The following MSRA variants were observed in gnomAD, a reference collection of about 807,000 sequenced individuals.
MSRA encodes the protein methionine sulfoxide reductase A.
MSRA carries 54 observed loss-of-function variants against 31.3 expected under a neutral mutation model. The ratio of observed to expected loss-of-function variants is 1.73; its 90% CI spans 1.39 to 2.17. The LOEUF is 2.17. Ranked by LOEUF, MSRA falls within the 30% of genes most tolerant of loss-of-function variation. The pLI is 0.00. For missense variants in MSRA, 507 were observed against 300.9 expected (o/e 1.69, Z -5.07); for synonymous variants, 169 against 116.5 (o/e 1.45, Z -2.90).
chr8:10,107,274 T>A (rs1185463292), intron 1 of MSRA, among the ~76,000 whole-genome samples: 3 of 152,132 alleles, frequency 2.0e-5, no homozygotes, highest in African/African-American at 7.2e-5. Context: ...GTGTTTTTTT[T>A]TTTAATTTAA....
chr8:10,074,438 A>G (rs773071678), intron 1 of MSRA, among the ~76,000 whole-genome samples: 7 of 152,082 alleles, frequency 4.6e-5, no homozygotes, highest in Non-Finnish European at 8.8e-5. Flanking sequence ...TTCACTGAAA[A>G]GAGTGGGATG....
intron 1 of MSRA, among the ~76,000 whole-genome samples, chr8:10,070,628 C>G (rs529921954): frequency 1.4e-4 from 21 of 152,330 alleles, no homozygotes; most frequent in African/African-American, 4.8e-4. Flanking sequence ...CCTTGTGCTG[C>G]ATTTTTATAG....
At chr8:10,355,170 G>T (rs991851078) in intron 5 of MSRA, among the ~76,000 whole-genome samples, 3 of 152,206 alleles carry the variant, frequency 2.0e-5, no homozygotes, top group African/African-American at 7.2e-5. Flanking sequence ...GATGCCCCCA[G>T]CCTTTCCAGT....
chr8:10,265,709 G>T (rs1047684815), intron 3 of MSRA, among the ~76,000 whole-genome samples: 2 of 152,188 alleles, frequency 1.3e-5, no homozygotes, highest in Non-Finnish European at 2.9e-5. Context: ...ATAATGAGCA[G>T]ATCCATTCCC....
At chr8:10,165,482 A>G (rs1805045938) in intron 1 of MSRA, among the ~76,000 whole-genome samples, 1 of 152,186 alleles carries the variant, frequency 6.6e-6, no homozygotes, top group Non-Finnish European at 1.5e-5. Context: ...CTTCCTGACA[A>G]ATGGAGACTA....
intron 1 of MSRA, among the ~76,000 whole-genome samples, chr8:10,182,822 T>G (rs376803115): frequency 6.6e-6 from 1 of 152,312 alleles, no homozygotes; most frequent in African/African-American, 2.4e-5. Flanking sequence ...CTAGTCACAG[T>G]GCTTTGTAAC....
At chr8:10,299,389 T>G (rs1205504291) in intron 3 of MSRA, among the ~76,000 whole-genome samples, 1 of 152,128 alleles carries the variant, frequency 6.6e-6, no homozygotes, top group Admixed American at 6.5e-5. Flanking sequence ...AATAATATGT[T>G]CTACTAGAGC....
intron 3 of MSRA, among the ~76,000 whole-genome samples, chr8:10,258,494 G>A (rs1243177276): frequency 6.6e-6 from 1 of 152,134 alleles, no homozygotes; most frequent in Admixed American, 6.5e-5. Flanking sequence ...AGCAGGCCTT[G>A]CTCTCAATAG....
intron 5 of MSRA, among the ~76,000 whole-genome samples, chr8:10,377,417 A>T (rs1805817863): frequency 6.6e-6 from 1 of 152,220 alleles, no homozygotes; most frequent in African/African-American, 2.4e-5. Flanking sequence ...TTAGCAGATA[A>T]GCCAAAGTGT....
chr8:10,201,201 A>T (rs1808468051), intron 1 of MSRA, among the ~76,000 whole-genome samples: 1 of 151,948 alleles, frequency 6.6e-6, no homozygotes. Context: ...TCTGCTGCTC[A>T]GTGTAGTAGC....
intron 5 of MSRA, among the ~76,000 whole-genome samples, chr8:10,393,599 A>T (rs1054224227): frequency 2.1e-4 from 32 of 152,272 alleles, no homozygotes; most frequent in African/African-American, 7.7e-4. Flanking sequence ...TGGGATACCT[A>T]GTTGTATGGC....
chr8:10,159,560 G>GT (rs752585205), intron 1 of MSRA, among the ~76,000 whole-genome samples: 3 of 152,186 alleles, frequency 2.0e-5, no homozygotes, highest in Non-Finnish European at 4.4e-5. Context: ...ATGGAATACA[G>GT]TTAAAGAACA....
intron 5 of MSRA, among the ~76,000 whole-genome samples, chr8:10,347,648 C>G (rs141942589): frequency 3.9e-4 from 59 of 152,328 alleles, no homozygotes; most frequent in South Asian, 1.4e-3. Flanking sequence ...CAAAGTTCCA[C>G]TTTGCTTATG....
intron 3 of MSRA, among the ~76,000 whole-genome samples, chr8:10,275,001 C>T (rs1799248664): frequency 6.6e-6 from 1 of 152,112 alleles, no homozygotes; most frequent in African/African-American, 2.4e-5. Flanking sequence ...TGGTTGGCTT[C>T]CAAGGACTAT....
intron 5 of MSRA, among the ~76,000 whole-genome samples, chr8:10,405,557 C>T: frequency 6.6e-6 from 1 of 152,164 alleles, no homozygotes; most frequent in Non-Finnish European, 1.5e-5. Flanking sequence ...TTTCCTTTCT[C>T]TGGAACTTGG....
intron 1 of MSRA, among the ~76,000 whole-genome samples, chr8:10,132,410 C>A (rs907071538): frequency 1.3e-5 from 2 of 152,182 alleles, no homozygotes; most frequent in Non-Finnish European, 2.9e-5. Context: ...GGATCTTAGG[C>A]AGTTTGGCTG....
chr8:10,296,271 G>A (rs74987833), intron 3 of MSRA, among the ~76,000 whole-genome samples: 3,955 of 152,258 alleles, frequency 0.026, 151 homozygotes, highest in African/African-American at 0.083. Flanking sequence ...AGAAGGAGGC[G>A]TCCTTAAATC....
In MSRA at chr8:10,250,425, GT is replaced by G. The variant is rs369275487; in HGVS notation, c.331+5204del. On this transcript the variant is annotated intron_variant, in intron 3 of 5. Transcript: ENST00000317173. ...ATCTTTTCATATTTTGCTTACAGAT[GT>G]TCAGAACAATTCCATGTTTATTAGT... is the stretch of plus-strand genomic sequence containing the variant. 328 of 702,366 alleles carry G rather than the reference GT, an allele frequency of 4.7e-4. No homozygotes were observed. In the African/African-American group the frequency reaches 4.8e-3, roughly 10 times the overall value. The allele number at this position is 702,366 out of a possible 1,614,324, so 43.5% of individuals were successfully genotyped here. A position where few individuals can be genotyped will look rare whatever the true frequency, so the allele number is the denominator to read the frequency against.
intron 5 of MSRA, among the ~76,000 whole-genome samples, chr8:10,345,407 T>C (rs1354066673): frequency 1.3e-5 from 2 of 152,210 alleles, no homozygotes; most frequent in African/African-American, 2.4e-5. Context: ...TGTGTGATCA[T>C]AGGATTCACA....
Sources: allele counts gnomAD v4.1 joint callset (sites outside exome capture counted in the v4.1 genomes callset), GRCh38; gene constraint gnomAD v4.1.1; transcripts MANE v1.5; gene names NCBI Gene and HGNC (gene_info 2026-07-23, HGNC 2026-07-21).